The following PARP6 variants were observed in gnomAD, a reference collection of about 807,000 sequenced individuals.
The protein encoded by PARP6 is protein mono-ADP-ribosyltransferase PARP6.
Under a neutral mutation model 92.0 loss-of-function variants are expected in PARP6, and 27 were observed. The ratio of observed to expected loss-of-function variants is 0.29; its 90% CI spans 0.22 to 0.40. PARP6 has a LOEUF of 0.40. Among genes scored for constraint, PARP6 ranks in the 10% least tolerant of loss-of-function variants. The probability of loss-of-function intolerance (pLI) is 1.00; values close to 1 mark genes in which losing one functional copy is unlikely to be tolerated. For synonymous variants in PARP6, 272 were observed against 281.2 expected (o/e 0.97, Z 0.33); for missense variants, 501 against 784.5 (o/e 0.64, Z 4.32).
Position 72,250,058 on chromosome 15 carries a change from G to A in PARP6, c.1453C>T (p.Arg485Cys). The change falls in exon 19 of 24, where the codon CGC (arginine) becomes TGC (cysteine). Residue 485 changes from arginine to cysteine, a missense_variant. Physicochemically the swap from Arg to Cys is radical, Grantham distance 180. This residue lies in a region of PARP6 where 191 missense variants were observed against 399.1 expected (regional missense o/e 0.48). Transcript: ENST00000569795. ...SHIENWHSILRNGLVNASYTK... is the reference protein window; with the variant it reads ...SHIENWHSILCNGLVNASYTK... ...TAGGATGCATTGACCAGCCCATTGC[G>A]CAGGATCGAATGCCAGTTCTCAATG... The A allele has an allele frequency of 6.2e-7, 1 of 1,611,510 alleles. No homozygotes were observed. The highest frequency in any genetic ancestry group is 8.5e-7 in the Non-Finnish European group (1 of 1,177,664).
intron 14 of PARP6, among the ~76,000 whole-genome samples, chr15:72,254,837 C>T (rs925288931): frequency 2.0e-5 from 3 of 152,124 alleles, no homozygotes; most frequent in Non-Finnish European, 1.5e-5. Context: ...ATAGTAATGA[C>T]AGTAATAGTG....
intron 20 of PARP6, among the ~76,000 whole-genome samples, chr15:72,248,264 T>C (rs2083879879): frequency 6.6e-6 from 1 of 152,192 alleles, no homozygotes; most frequent in Non-Finnish European, 1.5e-5. Context: ...TTCTTACCTG[T>C]ATTATCTCCT....
At position 72,267,562 on chromosome 15, in the gene PARP6, G is replaced by C. The variant is rs756083409; in HGVS notation, c.-85C>G. 2.5e-5 allele frequency: 36 copies of C among 1,454,224 alleles called. No homozygotes were observed. Among genetic ancestry groups the C allele is most frequent in the Non-Finnish European group, 3.1e-5 (32 of 1,034,950 alleles). The allele number at this position is 1,454,224 out of a possible 1,614,324, so 90.1% of individuals were successfully genotyped here. On this transcript the variant is annotated 5_prime_UTR_variant, in exon 3 of 24. Coordinates refer to ENST00000569795, the MANE Select transcript of PARP6 (RefSeq NM_001323532.2). ...TAGCCGAACCAAGGCCAACGAGATG[G>C]GCATTTAGGAGACCACAAAGGGAGA... is the stretch of plus-strand genomic sequence containing the variant.
At chr15:72,261,454 G>A (rs2085877902) in intron 9 of PARP6, 104 bp downstream of exon 9, 4 of 1,030,388 alleles carry the variant, frequency 3.9e-6, no homozygotes, top group Non-Finnish European at 4.4e-6. Context: ...TAAAGAGACA[G>A]AATTCAGGGA....
chr15:72,260,823 A>T, intron 9 of PARP6, 135 bp from the exon 10 acceptor site: 1 of 702,646 alleles, frequency 1.4e-6, no homozygotes, highest in South Asian at 1.7e-5. Flanking sequence ...GGAAAGTTGC[A>T]TTGTATCTTA....
At chr15:72,253,686 A>G in intron 15 of PARP6, 182 bp from the exon 16 acceptor site, 1 of 694,686 alleles carries the variant, frequency 1.4e-6, no homozygotes, top group Non-Finnish European at 2.6e-6. Context: ...ACTCATAAAT[A>G]AATATGAAAA....
At chr15:72,270,898 A>G (rs35104697) in intron 2 of PARP6, 125 bp downstream of exon 2, 4 of 152,210 alleles carry the variant, frequency 2.6e-5, no homozygotes, top group Non-Finnish European at 5.9e-5. Context: ...CTTGAATGAG[A>G]GAATAAATGA....
intron 19 of PARP6, among the ~76,000 whole-genome samples, 189 bp downstream of exon 19, chr15:72,249,831 A>C (rs551668261): frequency 6.6e-6 from 1 of 152,332 alleles, no homozygotes; most frequent in South Asian, 2.1e-4. Flanking sequence ...AAAAACGCAG[A>C]CTGAGATCAA....
intron 13 of PARP6, 102 bp from the exon 14 acceptor site, chr15:72,256,692 A>G (rs745620562): frequency 2.4e-5 from 24 of 1,004,976 alleles, no homozygotes; most frequent in Admixed American, 1.5e-4. Flanking sequence ...TAAAAAGCAA[A>G]TATGTTTAAG....
chr15:72,262,646 G>T (rs1257104725), intron 8 of PARP6, among the ~76,000 whole-genome samples: 1 of 152,018 alleles, frequency 6.6e-6, no homozygotes, highest in African/African-American at 2.4e-5. Flanking sequence ...CTGTATTCTG[G>T]TTCCTACCTT....
At position 72,260,665 on chromosome 15, in the gene PARP6, T is replaced by C. The variant is rs1041026391; in HGVS notation, c.569A>G (p.Gln190Arg). ...TAGTTTGCCTTTCAGCATGGAGTCCTGTATGATAGGGAAACTGGGAGACCT... is the reference window on the plus strand; with the variant it reads ...TAGTTTGCCTTTCAGCATGGAGTCCCGTATGATAGGGAAACTGGGAGACCT... ...IPKSPSFPIIQDSMLKGKLGV... is the reference protein window; with the variant it reads ...IPKSPSFPIIRDSMLKGKLGV... The change falls in exon 10 of 24, where the codon CAG (glutamine) becomes CGG (arginine). Residue 190 changes from glutamine (Q) to arginine (R), a missense_variant. This residue lies in a region of PARP6 where 291 missense variants were observed against 352.0 expected (regional missense o/e 0.83). Transcript: ENST00000569795. 3.1e-6 allele frequency: 5 copies of C among 1,613,756 alleles called. No individual in the cohort carries two copies. Among genetic ancestry groups the C allele is most frequent in the Non-Finnish European group, 4.2e-6 (5 of 1,179,756 alleles).
intron 3 of PARP6, 52 bp from the exon 4 acceptor site, chr15:72,266,874 T>C (rs1458200293): frequency 4.6e-6 from 6 of 1,306,922 alleles, no homozygotes; most frequent in Middle Eastern, 1.8e-4. Context: ...TATTATCCCA[T>C]GGAAAGGCGT....
At chr15:72,256,643 G>A (rs1597049944) in intron 13 of PARP6, 53 bp from the exon 14 acceptor site, 1 of 1,394,362 alleles carries the variant, frequency 7.2e-7, no homozygotes, top group South Asian at 1.8e-5. Context: ...TCCCAGTACT[G>A]GGAGTCAGAG....
chr15:72,261,921 T>C (rs1332858285), intron 8 of PARP6, among the ~76,000 whole-genome samples: 1 of 152,160 alleles, frequency 6.6e-6, no homozygotes, highest in African/African-American at 2.4e-5. Flanking sequence ...CCTAGCCTAA[T>C]GGCCAGAAAA....
intron 19 of PARP6, 35 bp from the exon 20 acceptor site, chr15:72,249,349 C>G (rs746022555): frequency 7.6e-7 from 1 of 1,307,772 alleles, no homozygotes; most frequent in Non-Finnish European, 1.1e-6. Context: ...TAATATGAGC[C>G]TGGGCCCTCC....
At chr15:72,258,332 A>C (rs2085398856) in intron 11 of PARP6, among the ~76,000 whole-genome samples, 200 bp from the exon 12 acceptor site, 1 of 152,182 alleles carries the variant, frequency 6.6e-6, no homozygotes. Flanking sequence ...TAAGAACATG[A>C]TGTTTGATTG....
rs2083090264 is a variant in PARP6, at chr15:72,241,831, C to T, written c.1790+70G>A. 1 of 1,124,770 alleles carries T rather than the reference C, an allele frequency of 8.9e-7. No homozygotes were observed. Among genetic ancestry groups the T allele is most frequent in the Non-Finnish European group, 1.4e-6 (1 of 736,842 alleles). The allele number at this position is 1,124,770 out of a possible 1,614,324, so 69.7% of individuals were successfully genotyped here. ...TCAGATAACAGAAATAGACTTTTCC[C>T]AGTAGCCACACACCATCACACCCCC... On this transcript the variant is annotated intron_variant, in intron 23 of 23. Coordinates refer to ENST00000569795, the MANE Select transcript of PARP6 (RefSeq NM_001323532.2). This position sits in a 1 kb window ranked among gnomAD's most constrained non-coding sequence, Gnocchi z 4.1.
chr15:72,267,144 G>A (rs981135910), intron 3 of PARP6: 2 of 522,104 alleles, frequency 3.8e-6, no homozygotes, highest in African/African-American at 1.9e-5. Context: ...TGTCAAGGTT[G>A]ACTCCTAAGC....
intron 13 of PARP6, among the ~76,000 whole-genome samples, chr15:72,256,855 C>T (rs1201299575): frequency 6.6e-5 from 10 of 152,204 alleles, no homozygotes; most frequent in African/African-American, 1.4e-4. Context: ...AATTTTCCTA[C>T]GGAAATATTT....
Sources: gnomAD v4.1 joint callset for allele counts (sites outside exome capture counted in the v4.1 genomes callset) on GRCh38, gnomAD v4.1.1 for gene constraint, gnomAD v4.1.1 regional missense constraint, Gnocchi (gnomAD v3.1) non-coding constraint, MANE v1.5 for transcripts, NCBI Gene and HGNC (gene_info 2026-07-23, HGNC 2026-07-21) for gene names.